The following NKAIN2 variants were observed in gnomAD, a reference collection of about 807,000 sequenced individuals.
NKAIN2 encodes the protein sodium/potassium-transporting ATPase subunit beta-1-interacting protein 2.
NKAIN2 carries 14 observed loss-of-function variants against 32.6 expected under a neutral mutation model. That is an observed-to-expected ratio of 0.43 (90% CI 0.28 to 0.67). The LOEUF (loss-of-function observed/expected upper bound fraction) is 0.67. NKAIN2 is among the 30% of genes least tolerant of loss of function. NKAIN2 has a pLI of 0.17. For synonymous variants in NKAIN2, 80 were observed against 87.2 expected (o/e 0.92, Z 0.46); for missense variants, 198 against 258.3 (o/e 0.77, Z 1.60).
At chr6:124,590,140 A>G (rs992329574) in intron 3 of NKAIN2, among the ~76,000 whole-genome samples, 1 of 152,164 alleles carries the variant, frequency 6.6e-6, no homozygotes, top group African/African-American at 2.4e-5. Context: ...CAAGCTAGTC[A>G]CTAATTATGT....
intron 1 of NKAIN2, among the ~76,000 whole-genome samples, chr6:123,817,742 G>C (rs981314678): frequency 3.3e-5 from 5 of 152,120 alleles, no homozygotes; most frequent in African/African-American, 1.2e-4. Flanking sequence ...TGGTAAATGA[G>C]GAGAGCAGGC....
chr6:124,041,356 T>G, intron 1 of NKAIN2, among the ~76,000 whole-genome samples: 1 of 152,054 alleles, frequency 6.6e-6, no homozygotes, highest in East Asian at 1.9e-4. Flanking sequence ...CTTTTAAAAC[T>G]GTGTTGGAGA....
intron 1 of NKAIN2, among the ~76,000 whole-genome samples, chr6:124,160,038 A>G (rs1168848217): frequency 2.6e-5 from 4 of 152,146 alleles, no homozygotes; most frequent in African/African-American, 9.7e-5. Flanking sequence ...GAGTAAAGCA[A>G]TGCCAGTTGT....
chr6:123,973,663 A>G (rs890290632), intron 1 of NKAIN2, among the ~76,000 whole-genome samples: 1 of 152,066 alleles, frequency 6.6e-6, no homozygotes, highest in African/African-American at 2.4e-5. Flanking sequence ...AGGTTGGTGC[A>G]AAAGTAACTG....
At chr6:124,823,195 TA>T in intron 6 of NKAIN2, 24 bp from the exon 7 acceptor site, 1 of 1,544,672 alleles carries the variant, frequency 6.5e-7, no homozygotes, top group Non-Finnish European at 9.0e-7. Flanking sequence ...CCCCCTTGAC[TA>T]AAAACATCTT....
Position 124,806,117 on chromosome 6 carries a change from C to A in NKAIN2, c.536-12270C>A, listed in dbSNP as rs576341086. On this transcript the variant is annotated intron_variant, in intron 5 of 6. Transcript: ENST00000368417. ...CAATCTAGCAAGGCAGGCCAACGTT[C>A]AGATTCAGGAAATACAGAGAACACC... Among the ~76,000 whole-genome samples the A allele has an allele frequency of 2.6e-5, 4 of 152,162 alleles. No homozygotes were observed. In the South Asian group the frequency reaches 8.3e-4, roughly 32 times the overall value.
chr6:124,533,749 A>G (rs560233032), intron 3 of NKAIN2, among the ~76,000 whole-genome samples: 1 of 152,294 alleles, frequency 6.6e-6, no homozygotes, highest in Admixed American at 6.5e-5. Flanking sequence ...ACAAATTACT[A>G]TGGAATGAGT....
At chr6:124,260,521 G>A (rs529874634) in intron 1 of NKAIN2, among the ~76,000 whole-genome samples, 2 of 152,272 alleles carry the variant, frequency 1.3e-5, no homozygotes, top group African/African-American at 2.4e-5. Context: ...GCTGAGGCAG[G>A]AGAATGCCTG....
At chr6:124,100,422 A>T (rs957720401) in intron 1 of NKAIN2, among the ~76,000 whole-genome samples, 1 of 152,228 alleles carries the variant, frequency 6.6e-6, no homozygotes, top group Non-Finnish European at 1.5e-5. Flanking sequence ...TCATGGTAAT[A>T]TGTTGAATTT....
At chr6:124,726,765 T>C (rs369300228) in intron 4 of NKAIN2, among the ~76,000 whole-genome samples, 11 of 137,140 alleles carry the variant, frequency 8.0e-5, no homozygotes, top group East Asian at 2.1e-4. Context: ...CTCTGAGCTA[T>C]GGGAGGACAT....
chr6:123,860,256 A>G (rs902233990), intron 1 of NKAIN2, among the ~76,000 whole-genome samples: 9 of 152,202 alleles, frequency 5.9e-5, no homozygotes, highest in Non-Finnish European at 1.3e-4. Context: ...GAAAAGATGC[A>G]CCCATCTCCC....
intron 1 of NKAIN2, among the ~76,000 whole-genome samples, chr6:124,227,149 T>C (rs934269343): frequency 6.6e-6 from 1 of 151,826 alleles, no homozygotes; most frequent in Non-Finnish European, 1.5e-5. Context: ...CAAACCTCCT[T>C]ATTGAGTGCA....
intron 4 of NKAIN2, among the ~76,000 whole-genome samples, chr6:124,758,990 C>A (rs1778090461): frequency 6.6e-6 from 1 of 152,156 alleles, no homozygotes; most frequent in South Asian, 2.1e-4. Context: ...CCTACTATAA[C>A]AATAACTTTT....
intron 3 of NKAIN2, among the ~76,000 whole-genome samples, chr6:124,396,561 G>A (rs1773391713): frequency 6.6e-6 from 1 of 152,138 alleles, no homozygotes; most frequent in African/African-American, 2.4e-5. Flanking sequence ...AACACGATGA[G>A]TCAGAACTGT....
chr6:124,711,981 G>A (rs1775497487), intron 4 of NKAIN2, among the ~76,000 whole-genome samples: 1 of 152,062 alleles, frequency 6.6e-6, no homozygotes, highest in African/African-American at 2.4e-5. Flanking sequence ...CGATGGTGAT[G>A]TACAGATGGG....
intron 1 of NKAIN2, among the ~76,000 whole-genome samples, chr6:124,118,203 C>A (rs1199045382): frequency 2.0e-5 from 3 of 152,108 alleles, no homozygotes; most frequent in Non-Finnish European, 2.9e-5. Context: ...CTGATACTCT[C>A]ATTTATTTAT....
At chr6:124,114,335 A>G (rs191594796) in intron 1 of NKAIN2, among the ~76,000 whole-genome samples, 8 of 151,734 alleles carry the variant, frequency 5.3e-5, no homozygotes, top group Middle Eastern at 3.4e-3. Context: ...TGGCCTTATC[A>G]ATTAAAAAGT....
intron 1 of NKAIN2, among the ~76,000 whole-genome samples, chr6:124,028,675 C>A (rs1046810219): frequency 1.4e-4 from 20 of 144,274 alleles, no homozygotes; most frequent in Non-Finnish European, 2.4e-4. Context: ...TTAGGTCATT[C>A]TAAAAGTTTG....
chr6:124,489,919 C>A (rs1173572341), intron 3 of NKAIN2, among the ~76,000 whole-genome samples: 2 of 151,848 alleles, frequency 1.3e-5, no homozygotes, highest in African/African-American at 4.8e-5. Context: ...ACCTGATCGT[C>A]ATTGCATTTC....
Sources: allele counts gnomAD v4.1 joint callset (sites outside exome capture counted in the v4.1 genomes callset), GRCh38; gene constraint gnomAD v4.1.1; transcripts MANE v1.5; gene names NCBI Gene and HGNC (gene_info 2026-07-23, HGNC 2026-07-21).